Variants in ST6GALNAC3 observed in about 807,000 individuals in gnomAD.
ST6GALNAC3 encodes the protein alpha-N-acetylgalactosaminide alpha-2,6-sialyltransferase 3.
ST6GALNAC3 carries 25 observed loss-of-function variants against 32.7 expected under a neutral mutation model. The ratio of observed to expected loss-of-function variants is 0.76; its 90% CI spans 0.56 to 1.07. The LOEUF (loss-of-function observed/expected upper bound fraction) is 1.07, where lower values mean the gene tolerates loss of function less well. Ranked by LOEUF, ST6GALNAC3 falls within the 50% of genes least tolerant of loss-of-function variation. ST6GALNAC3 has a pLI of 0.00. For synonymous variants in ST6GALNAC3, 129 were observed against 133.1 expected, an observed-to-expected ratio of 0.97 and a Z score of 0.21; for missense variants, 355 against 382.4, an observed-to-expected ratio of 0.93 and a Z score of 0.60.
At chr1:76,313,587 G>A (rs1646809568) in intron 1 of ST6GALNAC3, 7 of 663,332 alleles carry the variant, frequency 1.1e-5, no homozygotes, top group Non-Finnish European at 1.9e-5. Flanking sequence ...TGCAATGGAA[G>A]AGTTCAAGAA....
In ST6GALNAC3 at chr1:76,313,970, T is replaced by G; in HGVS notation, c.184T>G (p.Tyr62Asp). The G allele has an allele frequency of 1.9e-6, 3 of 1,612,944 alleles. No homozygotes were observed. Among genetic ancestry groups the G allele is most frequent in the Non-Finnish European group, 2.5e-6 (3 of 1,179,366 alleles). The change falls in exon 2 of 5, where the codon TAT (tyrosine) becomes GAT (aspartate). Residue 62 changes from tyrosine (Y) to aspartate (D), a missense_variant. Physicochemically the swap from Tyr to Asp is radical, Grantham distance 160. Transcript: ENST00000328299. The part of the protein sequence containing the change: ...YTYRRPLRTH[Y>D]GYINVKTQEP... ...ATACAGGCGGCCCCTTCGAACTCAC[T>G]ATGGATACATAAATGTGAAGACACA... is the stretch of plus-strand genomic sequence containing the variant.
rs1658065880 is a variant in ST6GALNAC3, at chr1:76,458,887, TAATA to T, written c.623+46474_623+46477del. Among the ~76,000 whole-genome samples the T allele has an allele frequency of 2.0e-5, 3 of 149,090 alleles. No individual in the cohort carries two copies. The South Asian group carries it at 6.3e-4, about 32-fold the overall frequency. ...TACCCTAAAACTTAAAGTATAACAA[TAATA>T]AATTTAAAAAAAAAAGAAAAAAGGA... On this transcript the variant is annotated intron_variant, in intron 3 of 4. Coordinates refer to ENST00000328299, the MANE Select transcript of ST6GALNAC3 (RefSeq NM_152996.4).
chr1:76,587,385 A>G (rs1447175921), intron 3 of ST6GALNAC3, among the ~76,000 whole-genome samples: 4 of 152,144 alleles, frequency 2.6e-5, no homozygotes, highest in Non-Finnish European at 1.5e-5. Context: ...AGTTCTCCTC[A>G]GCGCCTGTGT....
intron 1 of ST6GALNAC3, among the ~76,000 whole-genome samples, chr1:76,208,214 C>G (rs1317022055): frequency 6.6e-6 from 1 of 152,234 alleles, no homozygotes; most frequent in Admixed American, 6.5e-5. Context: ...GTGGGAGCAC[C>G]CCTAGACCCC....
intron 1 of ST6GALNAC3, among the ~76,000 whole-genome samples, chr1:76,266,480 A>C (rs1570629276): frequency 6.6e-6 from 1 of 152,288 alleles, no homozygotes; most frequent in East Asian, 1.9e-4. Context: ...TCAGATTCAG[A>C]TTTACTGTTC....
At chr1:76,280,268 T>G (rs948562694) in intron 1 of ST6GALNAC3, among the ~76,000 whole-genome samples, 1 of 152,238 alleles carries the variant, frequency 6.6e-6, no homozygotes, top group African/African-American at 2.4e-5. Flanking sequence ...TTGTTACTGC[T>G]TACTTTTTGT....
At chr1:76,378,073 C>T (rs1651378941) in intron 2 of ST6GALNAC3, among the ~76,000 whole-genome samples, 1 of 152,172 alleles carries the variant, frequency 6.6e-6, no homozygotes, top group Non-Finnish European at 1.5e-5. Flanking sequence ...AAAGAGCTTA[C>T]TCCAGGCCTC....
At chr1:76,189,717 A>T (rs431752) in intron 1 of ST6GALNAC3, among the ~76,000 whole-genome samples, 1 of 151,972 alleles carries the variant, frequency 6.6e-6, no homozygotes, top group Non-Finnish European at 1.5e-5. Context: ...CACCATGTGG[A>T]GGTATGGAGG....
chr1:76,466,110 G>A (rs1658610991), intron 3 of ST6GALNAC3, among the ~76,000 whole-genome samples: 1 of 152,016 alleles, frequency 6.6e-6, no homozygotes, highest in African/African-American at 2.4e-5. Context: ...GTCATGGTTT[G>A]TAATAGCCTT....
chr1:76,205,384 T>A (rs865842697), intron 1 of ST6GALNAC3, among the ~76,000 whole-genome samples: 1 of 152,142 alleles, frequency 6.6e-6, no homozygotes, highest in Middle Eastern at 3.4e-3. Context: ...CATCTCCCCA[T>A]CTACCTCCCT....
intron 3 of ST6GALNAC3, among the ~76,000 whole-genome samples, chr1:76,435,454 G>GC (rs1164439025): frequency 1.3e-5 from 2 of 152,114 alleles, no homozygotes; most frequent in African/African-American, 4.8e-5. Context: ...TTTTTCATTT[G>GC]CTAGAGCAAA....
intron 3 of ST6GALNAC3, among the ~76,000 whole-genome samples, chr1:76,441,114 G>A (rs966177212): frequency 1.1e-3 from 151 of 139,694 alleles, no homozygotes; most frequent in African/African-American, 3.5e-3. Flanking sequence ...AAAAATAAGA[G>A]AAAGCAACAT....
intron 1 of ST6GALNAC3, among the ~76,000 whole-genome samples, chr1:76,136,225 A>G (rs1335713222): frequency 6.6e-6 from 1 of 152,270 alleles, no homozygotes; most frequent in African/African-American, 2.4e-5. Context: ...ACTAAATGGC[A>G]GGAACCTGGT....
chr1:76,312,656 G>C (rs1291323528), intron 1 of ST6GALNAC3, among the ~76,000 whole-genome samples: 2 of 152,122 alleles, frequency 1.3e-5, no homozygotes, highest in Admixed American at 1.3e-4. Context: ...CTCAGAAGAA[G>C]ACATTTATGT....
chr1:76,585,493 G>A (rs576710147), intron 3 of ST6GALNAC3, among the ~76,000 whole-genome samples: 9 of 152,196 alleles, frequency 5.9e-5, no homozygotes, highest in South Asian at 4.1e-4. Context: ...AGTCCCAGGC[G>A]CTTCCAGAGA....
chr1:76,181,621 G>A (rs79998114), intron 1 of ST6GALNAC3, among the ~76,000 whole-genome samples: 2,484 of 152,098 alleles, frequency 0.016, 48 homozygotes, highest in African/African-American at 0.053. Context: ...TAATATTCAC[G>A]TTACCTAGCT....
intron 1 of ST6GALNAC3, among the ~76,000 whole-genome samples, chr1:76,221,449 C>T (rs1199735805): frequency 6.6e-6 from 1 of 152,076 alleles, no homozygotes; most frequent in South Asian, 2.1e-4. Context: ...CCAAGGTAGA[C>T]ATTTGAGATT....
chr1:76,077,951 G>A (rs1209041027), intron 1 of ST6GALNAC3, among the ~76,000 whole-genome samples: 1 of 152,204 alleles, frequency 6.6e-6, no homozygotes, highest in East Asian at 1.9e-4. Context: ...TGATAGAAAA[G>A]TAAATGAGTG....
At chr1:76,278,708 A>G (rs1190672242) in intron 1 of ST6GALNAC3, among the ~76,000 whole-genome samples, 1 of 152,072 alleles carries the variant, frequency 6.6e-6, no homozygotes, top group Non-Finnish European at 1.5e-5. Flanking sequence ...TGCCTGCCAC[A>G]CCTACATAAT....
Sources: allele counts gnomAD v4.1 joint callset (sites outside exome capture counted in the v4.1 genomes callset), GRCh38; gene constraint gnomAD v4.1.1; transcripts MANE v1.5; gene names NCBI Gene and HGNC (gene_info 2026-07-23, HGNC 2026-07-21).